Variants in ERC2 observed in about 807,000 individuals in gnomAD.
ERC2 encodes the protein ERC protein 2.
In ERC2, 42 loss-of-function variants were observed where a neutral mutation model predicts 114.8. That is an observed-to-expected ratio of 0.37 (90% confidence interval 0.29 to 0.47). The LOEUF is 0.47. ERC2 is among the 20% of genes least tolerant of loss of function. ERC2 has a pLI of 0.99. For synonymous variants in ERC2, 454 were observed against 425.5 expected, an observed-to-expected ratio of 1.07 and a Z score of -0.82; for missense variants, 939 against 1,150.7, an observed-to-expected ratio of 0.82 and a Z score of 2.66.
chr3:55,528,071 GAT>G (rs761097358), intron 17 of ERC2, among the ~76,000 whole-genome samples: 5 of 152,108 alleles, frequency 3.3e-5, no homozygotes, highest in Admixed American at 6.6e-5. Context: ...AAGCAGCACT[GAT>G]ATTAAAAAGG....
At chr3:56,420,239 C>T (rs953254920) in intron 2 of ERC2, among the ~76,000 whole-genome samples, 1 of 122,554 alleles carries the variant, frequency 8.2e-6, no homozygotes, top group Non-Finnish European at 1.6e-5. Flanking sequence ...GGCTGGAGTG[C>T]AGTAGAATGA....
intron 14 of ERC2, among the ~76,000 whole-genome samples, chr3:55,809,903 G>C (rs976118335): frequency 1.4e-4 from 21 of 152,340 alleles, no homozygotes; most frequent in African/African-American, 5.1e-4. Flanking sequence ...ATCTCAGGTA[G>C]AGGAAAACAG....
chr3:56,170,565 T>C (rs2082580120), intron 4 of ERC2, among the ~76,000 whole-genome samples: 1 of 150,618 alleles, frequency 6.6e-6, no homozygotes, highest in Non-Finnish European at 1.5e-5. Context: ...GAGTCCAATT[T>C]AGTCTAAGAA....
intron 15 of ERC2, among the ~76,000 whole-genome samples, chr3:55,708,423 GT>G (rs2063597639): frequency 6.6e-6 from 1 of 152,194 alleles, no homozygotes; most frequent in African/African-American, 2.4e-5. Flanking sequence ...GTTTAATTAA[GT>G]CGTGGGCAGC....
intron 7 of ERC2, among the ~76,000 whole-genome samples, chr3:56,034,432 C>G (rs941987099): frequency 6.6e-6 from 1 of 151,984 alleles, no homozygotes; most frequent in African/African-American, 2.4e-5. Flanking sequence ...GTCATCTAGA[C>G]AGAAAAACAA....
intron 15 of ERC2, among the ~76,000 whole-genome samples, chr3:55,717,999 T>C (rs573603519): frequency 2.4e-4 from 36 of 152,238 alleles, no homozygotes; most frequent in African/African-American, 8.4e-4. Context: ...CATAAGGAGA[T>C]GTCGGGATAA....
chr3:56,003,463 CAGA>C (rs1018710099), intron 10 of ERC2, among the ~76,000 whole-genome samples: 2 of 152,096 alleles, frequency 1.3e-5, no homozygotes, highest in African/African-American at 4.8e-5. Flanking sequence ...AGCAATGAAT[CAGA>C]AGAAGTACTT....
At chr3:56,250,195 G>A (rs1004504730) in intron 3 of ERC2, among the ~76,000 whole-genome samples, 1 of 152,180 alleles carries the variant, frequency 6.6e-6, no homozygotes, top group Non-Finnish European at 1.5e-5. Flanking sequence ...CAGTAAGAGT[G>A]CACCCACAAA....
At chr3:56,334,995 G>A (rs969730519) in intron 2 of ERC2, among the ~76,000 whole-genome samples, 44 of 152,184 alleles carry the variant, frequency 2.9e-4, no homozygotes, top group African/African-American at 1.0e-3. Flanking sequence ...AGTAGAGACA[G>A]GGTTTCACTA....
chr3:56,361,243 G>T (rs2058946560), intron 2 of ERC2, among the ~76,000 whole-genome samples: 1 of 152,102 alleles, frequency 6.6e-6, no homozygotes. Context: ...AAAAACAATG[G>T]GATGAGCTGA....
At chr3:55,592,882 A>T (rs181303655) in intron 17 of ERC2, among the ~76,000 whole-genome samples, 3 of 152,340 alleles carry the variant, frequency 2.0e-5, no homozygotes, top group Admixed American at 2.0e-4. Context: ...TCATTTGCTT[A>T]ACTACTGTAC....
intron 12 of ERC2, among the ~76,000 whole-genome samples, chr3:55,957,783 G>C (rs1294942570): frequency 7.0e-6 from 1 of 142,540 alleles, no homozygotes; most frequent in Non-Finnish European, 1.5e-5. Flanking sequence ...AGCTGGACCA[G>C]GTGTACCACA....
chr3:55,542,302 T>C (rs559827865), intron 17 of ERC2, among the ~76,000 whole-genome samples: 2 of 152,292 alleles, frequency 1.3e-5, no homozygotes, highest in South Asian at 2.1e-4. Context: ...TTGCCCAAGA[T>C]GGTAAATACA....
chr3:56,346,538 G>C (rs934149469), intron 2 of ERC2, among the ~76,000 whole-genome samples: 1 of 152,164 alleles, frequency 6.6e-6, no homozygotes, highest in African/African-American at 2.4e-5. Context: ...ATTTACACTA[G>C]AGAAGGGGTC....
At chr3:55,854,371 TTTG>T (rs2061699430) in intron 14 of ERC2, among the ~76,000 whole-genome samples, 1 of 152,154 alleles carries the variant, frequency 6.6e-6, no homozygotes, top group Non-Finnish European at 1.5e-5. Context: ...GTTGTTTTGT[TTTG>T]TTTTGTTTTG....
At chr3:56,011,825 A>G (rs894008326) in intron 8 of ERC2, among the ~76,000 whole-genome samples, 1 of 152,202 alleles carries the variant, frequency 6.6e-6, no homozygotes, top group Non-Finnish European at 1.5e-5. Flanking sequence ...ACAATGCCTG[A>G]TAAATAAGAC....
At chr3:56,258,828 C>G (rs1398307107) in intron 3 of ERC2, among the ~76,000 whole-genome samples, 1 of 152,198 alleles carries the variant, frequency 6.6e-6, no homozygotes, top group African/African-American at 2.4e-5. Context: ...GCCCCAAACT[C>G]CACTTTGTAC....
intron 3 of ERC2, among the ~76,000 whole-genome samples, chr3:56,205,861 C>A (rs2048694117): frequency 6.6e-6 from 1 of 152,164 alleles, no homozygotes; most frequent in Non-Finnish European, 1.5e-5. Flanking sequence ...ATTTTATCTC[C>A]TTTCTTGCCA....
chr3:56,219,773 G>C (rs769216578), intron 3 of ERC2, among the ~76,000 whole-genome samples: 6 of 151,800 alleles, frequency 4.0e-5, no homozygotes, highest in Non-Finnish European at 7.4e-5. Flanking sequence ...GAGAGGAGCT[G>C]CTCCCTACTT....
Sources: allele counts gnomAD v4.1 joint callset (sites outside exome capture counted in the v4.1 genomes callset), GRCh38; gene constraint gnomAD v4.1.1; transcripts MANE v1.5; gene names NCBI Gene and HGNC (gene_info 2026-07-23, HGNC 2026-07-21).